GPC5: variants seen among roughly 807,000 people sequenced by gnomAD.
The protein encoded by GPC5 is glypican 5, also known as glypican-5.
A neutral mutation model predicts 53.9 loss-of-function variants in GPC5; 47 were observed. The ratio of observed to expected loss-of-function variants is 0.87; its 90% CI spans 0.69 to 1.11. The LOEUF (loss-of-function observed/expected upper bound fraction) is 1.11, where lower values mean the gene tolerates loss of function less well. Among genes scored for constraint, GPC5 ranks in the 50% most tolerant of loss-of-function variants. GPC5 has a pLI of 0.00. For missense variants in GPC5, 748 were observed against 713.1 expected (o/e 1.05, Z -0.56); for synonymous variants, 286 against 263.3 (o/e 1.09, Z -0.84).
rs1358734681 is a variant in GPC5 at position 92,373,156 on chromosome 13, T to G, written c.1561+228167T>G. ...TCCTTAATATAGCTTTCTCCAGGCT[T>G]CACAAAGCACAGGTGTCAACACAAT... is the stretch of plus-strand genomic sequence containing the variant. On this transcript the variant is annotated intron_variant, in intron 7 of 7. Coordinates refer to ENST00000377067, the MANE Select transcript of GPC5 (RefSeq NM_004466.6). 3.3e-5 allele frequency among the ~76,000 whole-genome samples: 5 copies of G among 152,280 alleles called. No homozygotes were observed. The East Asian group carries it at 9.7e-4, about 30-fold the overall frequency.
intron 7 of GPC5, among the ~76,000 whole-genome samples, chr13:92,532,489 C>A: frequency 6.6e-6 from 1 of 152,144 alleles, no homozygotes; most frequent in East Asian, 1.9e-4. Context: ...AGTATAATAT[C>A]CAAATGTAGG....
intron 7 of GPC5, among the ~76,000 whole-genome samples, chr13:92,222,545 A>G (rs1179704765): frequency 6.6e-6 from 1 of 152,150 alleles, no homozygotes; most frequent in Non-Finnish European, 1.5e-5. Flanking sequence ...CAGACACAAA[A>G]CAATTTCTTC....
chr13:92,251,594 G>A (rs1230482568), intron 7 of GPC5, among the ~76,000 whole-genome samples: 1 of 152,060 alleles, frequency 6.6e-6, no homozygotes, highest in African/African-American at 2.4e-5. Flanking sequence ...TTGAGCTTCA[G>A]TTATAAAATT....
intron 7 of GPC5, among the ~76,000 whole-genome samples, chr13:92,652,728 G>T (rs985216818): frequency 3.3e-5 from 5 of 152,102 alleles, no homozygotes; most frequent in African/African-American, 1.2e-4. Context: ...TTGATCAGAT[G>T]ATCTAAAAAG....
chr13:92,228,775 TA>T (rs571474312), intron 7 of GPC5, among the ~76,000 whole-genome samples: 163 of 151,856 alleles, frequency 1.1e-3, no homozygotes, highest in South Asian at 2.1e-3. Flanking sequence ...CACACAGAAC[TA>T]AAAGAAAAGA....
At chr13:92,824,289 C>G (rs1877772474) in intron 7 of GPC5, among the ~76,000 whole-genome samples, 1 of 152,108 alleles carries the variant, frequency 6.6e-6, no homozygotes, top group East Asian at 1.9e-4. Context: ...ATTCTCACTG[C>G]TCAGCAGACG....
At chr13:92,520,207 G>A (rs1482742144) in intron 7 of GPC5, among the ~76,000 whole-genome samples, 4 of 152,128 alleles carry the variant, frequency 2.6e-5, no homozygotes, top group Non-Finnish European at 5.9e-5. Flanking sequence ...GGTACAAGGA[G>A]GAGCTGGTAC....
intron 6 of GPC5, among the ~76,000 whole-genome samples, chr13:92,042,164 T>G (rs2040946823): frequency 6.6e-6 from 1 of 152,106 alleles, no homozygotes; most frequent in African/African-American, 2.4e-5. Flanking sequence ...GGAGGGCCAC[T>G]TCCCCCCATG....
intron 7 of GPC5, among the ~76,000 whole-genome samples, chr13:92,320,796 G>GT (rs1365544809): frequency 1.3e-5 from 2 of 151,966 alleles, no homozygotes; most frequent in African/African-American, 4.8e-5. Flanking sequence ...CTTACACGAA[G>GT]TTGTTTTCAA....
chr13:91,940,897 T>G (rs1032382218), intron 6 of GPC5, among the ~76,000 whole-genome samples: 1 of 152,116 alleles, frequency 6.6e-6, no homozygotes, highest in African/African-American at 2.4e-5. Context: ...ATTATACTTT[T>G]GTTGGATGCA....
At chr13:92,205,743 A>T (rs2139067026) in intron 7 of GPC5, among the ~76,000 whole-genome samples, 1 of 152,288 alleles carries the variant, frequency 6.6e-6, no homozygotes, top group African/African-American at 2.4e-5. Context: ...GAACAGTGAT[A>T]CGTTTATAAA....
chr13:92,346,094 TG>T (rs2043409378), intron 7 of GPC5, among the ~76,000 whole-genome samples: 1 of 152,078 alleles, frequency 6.6e-6, no homozygotes, highest in South Asian at 2.1e-4. Context: ...CCATACATTT[TG>T]GGGAAGTATA....
chr13:92,415,858 A>AAAT (rs2139355560), intron 7 of GPC5, among the ~76,000 whole-genome samples: 1 of 152,308 alleles, frequency 6.6e-6, no homozygotes, highest in African/African-American at 2.4e-5. Flanking sequence ...AACACAGAAA[A>AAAT]AATACCTCTT....
Position 92,453,936 on chromosome 13 carries a change from G to A in GPC5, c.1561+308947G>A, listed in dbSNP as rs115762617. Among the ~76,000 whole-genome samples, 489 of 152,190 alleles carry A rather than the reference G, an allele frequency of 3.2e-3. 4 individuals carry two copies. Among genetic ancestry groups the A allele is most frequent in the Middle Eastern group, 0.014 (4 of 294 alleles). On this transcript the variant is annotated intron_variant, in intron 7 of 7. Coordinates refer to ENST00000377067, the MANE Select transcript of GPC5 (RefSeq NM_004466.6). ...GTTAATGACAGAAATATCCATTGTC[G>A]TATAAATAGCACGCAAAATGTCTGA...
chr13:91,766,809 G>T (rs1322152645), intron 5 of GPC5, among the ~76,000 whole-genome samples: 2 of 152,222 alleles, frequency 1.3e-5, no homozygotes, highest in African/African-American at 4.8e-5. Context: ...GCAGTGAGCC[G>T]AGACTGCACC....
At position 91,881,622 on chromosome 13, in the gene GPC5, G is replaced by A. The variant is rs148029901; in HGVS notation, c.1281-26315G>A. 7.8e-3 allele frequency among the ~76,000 whole-genome samples: 1,180 copies of A among 152,106 alleles called. 13 individuals are homozygous for A. Among genetic ancestry groups the A allele is most frequent in the African/African-American group, 0.028 (1,142 of 41,476 alleles). ...TACCCACCCATTTATTAAATTTTCAGCATTAACTTGGAATATTAAACATGG... is the reference window on the plus strand; with the variant it reads ...TACCCACCCATTTATTAAATTTTCAACATTAACTTGGAATATTAAACATGG... On this transcript the variant is annotated intron_variant, in intron 5 of 7. Transcript: ENST00000377067.
chr13:91,860,472 GCCTT>G (rs759443247), intron 5 of GPC5, among the ~76,000 whole-genome samples: 39 of 138,668 alleles, frequency 2.8e-4, no homozygotes, highest in East Asian at 6.6e-4. Flanking sequence ...CTTCCTTCCT[GCCTT>G]CCTTCCTTCC....
At chr13:91,601,395 G>T in intron 2 of GPC5, among the ~76,000 whole-genome samples, 1 of 152,178 alleles carries the variant, frequency 6.6e-6, no homozygotes, top group South Asian at 2.1e-4. Context: ...TAAAATAAGG[G>T]AGAAGGGCAG....
intron 5 of GPC5, among the ~76,000 whole-genome samples, chr13:91,795,438 A>T (rs1282361065): frequency 6.6e-6 from 1 of 152,174 alleles, no homozygotes; most frequent in East Asian, 1.9e-4. Flanking sequence ...TTGTATCTTC[A>T]CATTATTAAA....
Sources: gnomAD v4.1 joint callset for allele counts (sites outside exome capture counted in the v4.1 genomes callset) on GRCh38, gnomAD v4.1.1 for gene constraint, MANE v1.5 for transcripts, NCBI Gene and HGNC (gene_info 2026-07-23, HGNC 2026-07-21) for gene names.